The following TYW5 variants were observed in gnomAD, a reference collection of about 807,000 sequenced individuals.
The protein encoded by TYW5 is tRNA-yW synthesizing protein 5.
A neutral mutation model predicts 44.4 loss-of-function variants in TYW5; 36 were observed. The ratio of observed to expected loss-of-function variants is 0.81; its 90% CI spans 0.62 to 1.07. The LOEUF (loss-of-function observed/expected upper bound fraction) is 1.07, where lower values mean the gene tolerates loss of function less well. Ranked by LOEUF, TYW5 falls within the 50% of genes least tolerant of loss-of-function variation. The probability of loss-of-function intolerance (pLI) is 0.00; values close to 1 mark genes in which losing one functional copy is unlikely to be tolerated. For synonymous variants in TYW5, 121 were observed against 128.1 expected, an observed-to-expected ratio of 0.94 and a Z score of 0.37; for missense variants, 354 against 365.7, an observed-to-expected ratio of 0.97 and a Z score of 0.26.
rs1490581872 is a variant in TYW5 at position 199,933,311 on chromosome 2, T to A, written c.704A>T (p.His235Leu). The change falls in exon 8 of 8, where the codon CAT (histidine) becomes CTT (leucine). Residue 235 changes from histidine to leucine, a missense_variant. Transcript: ENST00000354611. ...DVLFIPALWF[H>L]NVISEEFGVG... ...TCCAAACTCTTCAGAAATTACATTA[T>A]GGAACCATAAAGCTGGAGAAAGTTT... The A allele has an allele frequency of 1.2e-5, 19 of 1,607,154 alleles. No individual in the cohort carries two copies. Among genetic ancestry groups the A allele is most frequent in the Non-Finnish European group, 1.5e-5 (18 of 1,177,572 alleles).
At chr2:199,938,247 G>T (rs1223928144) in intron 5 of TYW5, among the ~76,000 whole-genome samples, 1 of 151,926 alleles carries the variant, frequency 6.6e-6, no homozygotes, top group Middle Eastern at 3.2e-3. Flanking sequence ...TGTATTTTTA[G>T]TAGGTACGGG....
intron 1 of TYW5, among the ~76,000 whole-genome samples, chr2:199,951,965 T>C (rs1045043911): frequency 3.3e-5 from 5 of 150,736 alleles, no homozygotes; most frequent in African/African-American, 9.8e-5. Context: ...TGCAGTGAGC[T>C]GAGATCGTGC....
intron 4 of TYW5, among the ~76,000 whole-genome samples, chr2:199,939,548 TAATATTCAGGAGTCA>T (rs1334843378): frequency 6.6e-6 from 1 of 152,202 alleles, no homozygotes; most frequent in Non-Finnish European, 1.5e-5. Context: ...TCATCCACTC[TAATATTCAGGAGTCA>T]ACACCTTGAA....
Position 199,955,455 on chromosome 2 carries a change from G to A in TYW5, c.16C>T (p.Leu6Phe), listed in dbSNP as rs577365638. ...ACGCCCTCCAGCCGGGGTACCGGGA[G>A]GTGCTGCCCGGCCATGGTTGCTCAC... Reference protein sequence around the residue: MAGQHLPVPRLEGVSR... With the variant: MAGQHFPVPRLEGVSR... Residue 6 changes from leucine (L) to phenylalanine (F), a missense_variant, in exon 1 of 8, where the codon CTC (leucine) becomes TTC (phenylalanine). By Grantham distance (22) the Leu-to-Phe change is conservative. Coordinates refer to ENST00000354611, the MANE Select transcript of TYW5 (RefSeq NM_001039693.3). 1 of 1,613,760 alleles carries A rather than the reference G, an allele frequency of 6.2e-7. No homozygotes were observed. Among genetic ancestry groups the A allele is most frequent in the Non-Finnish European group, 8.5e-7 (1 of 1,179,980 alleles).
chr2:199,950,018 A>C (rs924074930), intron 1 of TYW5, among the ~76,000 whole-genome samples: 1 of 152,100 alleles, frequency 6.6e-6, no homozygotes, highest in Non-Finnish European at 1.5e-5. Context: ...GACGTCTTTT[A>C]TACTTTCTCT....
intron 7 of TYW5, among the ~76,000 whole-genome samples, chr2:199,933,746 A>G (rs2077398356): frequency 6.6e-6 from 1 of 152,168 alleles, no homozygotes; most frequent in Non-Finnish European, 1.5e-5. Flanking sequence ...CTGATTCATT[A>G]TAATACTTTT....
chr2:199,935,911 G>A lies in TYW5; in HGVS notation c.691+20C>T. On this transcript the variant is annotated intron_variant, in intron 7 of 7. Coordinates refer to ENST00000354611, the MANE Select transcript of TYW5 (RefSeq NM_001039693.3). ...TACACATTTTATAAATAGCACATTA[G>A]TGAGGTCTAGAAATCTTACCAGGAA... is the stretch of plus-strand genomic sequence containing the variant. 4.1e-6 allele frequency: 6 copies of A among 1,477,890 alleles called. No individual in the cohort carries two copies. Among genetic ancestry groups the A allele is most frequent in the Non-Finnish European group, 5.7e-6 (6 of 1,061,740 alleles). The allele number at this position is 1,477,890 out of a possible 1,614,324, so 91.5% of individuals were successfully genotyped here.
At chr2:199,940,422 G>A (rs564820504) in intron 3 of TYW5, among the ~76,000 whole-genome samples, 3 of 152,176 alleles carry the variant, frequency 2.0e-5, no homozygotes, top group Admixed American at 2.0e-4. Context: ...GGAGGCCAGG[G>A]CAGGAAGACT....
In TYW5 at chr2:199,929,622, G is replaced by C. The variant is rs139711637; in HGVS notation, c.*3445C>G. Among the ~76,000 whole-genome samples, 757 of 147,358 alleles carry C rather than the reference G, an allele frequency of 5.1e-3. 3 individuals are homozygous for C. The highest frequency in any genetic ancestry group is 8.6e-3 in the Non-Finnish European group (582 of 67,312). ...GCAACTTTTTATAGGTGATAGAAAA[G>C]CCGCCTTACTAAGGTTCTTTCCAAA... On this transcript the variant is annotated 3_prime_UTR_variant, in exon 8 of 8. Coordinates refer to ENST00000354611, the MANE Select transcript of TYW5 (RefSeq NM_001039693.3).
chr2:199,935,561 T>C (rs1355883070), intron 7 of TYW5, among the ~76,000 whole-genome samples: 2 of 149,602 alleles, frequency 1.3e-5, no homozygotes, highest in Non-Finnish European at 3.0e-5. Context: ...TTGCCCATGC[T>C]GGTCTTGCAC....
At position 199,948,322 on chromosome 2, in the gene TYW5, A is replaced by T. The variant is rs1197237515; in HGVS notation, c.229T>A (p.Tyr77Asn). 5 of 1,613,992 alleles carry T rather than the reference A, an allele frequency of 3.1e-6. No homozygotes were observed. The African/African-American group carries it at 6.7e-5, about 22-fold the overall frequency. ...GTAAACCTCAGAAGAAAATACCTATATACAAAGTTCTTACTAATGAAGTCC... is the reference window on the plus strand; with the variant it reads ...GTAAACCTCAGAAGAAAATACCTATTTACAAAGTTCTTACTAATGAAGTCC... The part of the protein sequence containing the change: ...QMDFISKNFV[Y>N]RTLPFDQLVQ... The change falls in exon 2 of 8, where the codon TAT becomes AAT. Residue 77 changes from tyrosine to asparagine, a missense_variant. Coordinates refer to ENST00000354611, the MANE Select transcript of TYW5 (RefSeq NM_001039693.3).
chr2:199,933,355 A>G (rs747786495), intron 7 of TYW5, 32 bp from the exon 8 acceptor site: 4 of 1,562,054 alleles, frequency 2.6e-6, no homozygotes, highest in African/African-American at 1.4e-5. Context: ...AGTTAAAAAT[A>G]AAACCTACAG....
Position 199,936,428 on chromosome 2 carries a change from T to A in TYW5, c.551A>T (p.Asp184Val). 6.2e-7 allele frequency: 1 copy of A among 1,613,128 alleles called. No homozygotes were observed. The highest frequency in any genetic ancestry group is 8.5e-7 in the Non-Finnish European group (1 of 1,179,644). ...KKRVVLFSPRDAQYLYLKGTK... is the reference protein window; with the variant it reads ...KKRVVLFSPRVAQYLYLKGTK... ...ACCTTTTAAATATAAATACTGGGCA[T>A]CTCGAGGACTGAAGAGTACAACACG... The change falls in exon 6 of 8, where the codon GAT becomes GTT. Residue 184 changes from aspartate to valine, a missense_variant. Physicochemically the swap from Asp to Val is radical, Grantham distance 152. Coordinates refer to ENST00000354611, the MANE Select transcript of TYW5 (RefSeq NM_001039693.3).
Position 199,948,433 on chromosome 2 carries a change from A to C in TYW5, c.118T>G (p.Cys40Gly). 1 of 1,614,160 alleles carries C rather than the reference A, an allele frequency of 6.2e-7. No homozygotes were observed. The highest frequency in any genetic ancestry group is 1.3e-5 in the African/African-American group (1 of 75,052). ...LVLEGIDLGP[C>G]TSKWTVDYLS... ...TAATCCACTGTCCATTTGCTTGTAC[A>C]TGGCCCCAAATCAATCCCTTCCAAC... The change falls in exon 2 of 8, where the codon TGT becomes GGT. Residue 40 changes from cysteine (C) to glycine (G), a missense_variant. Coordinates refer to ENST00000354611, the MANE Select transcript of TYW5 (RefSeq NM_001039693.3).
chr2:199,950,784 G>A (rs2077538891), intron 1 of TYW5, among the ~76,000 whole-genome samples: 1 of 152,172 alleles, frequency 6.6e-6, no homozygotes, highest in Non-Finnish European at 1.5e-5. Flanking sequence ...AAATAAGCAG[G>A]TTGGAAAATG....
At chr2:199,946,005 AAAG>A (rs1409994594) in intron 2 of TYW5, 1 of 152,210 alleles carries the variant, frequency 6.6e-6, no homozygotes, top group African/African-American at 2.4e-5. Flanking sequence ...GGGTAATGTC[AAAG>A]AAGGCTTAAT....
chr2:199,946,338 T>A (rs1044660262), intron 2 of TYW5: 1 of 152,198 alleles, frequency 6.6e-6, no homozygotes, highest in Non-Finnish European at 1.5e-5. Context: ...AGCCCTTCAC[T>A]GTCTTGTTCC....
chr2:199,929,551 T>G lies in TYW5; in HGVS notation c.*3516A>C, dbSNP rs956310016. On this transcript the variant is annotated 3_prime_UTR_variant, in exon 8 of 8. Transcript: ENST00000354611. ...CATCCAGGCCTGCCTTCCAGCTTCC[T>G]GCATTTTTTTTTTTTTTTTTTTGTC... Among the ~76,000 whole-genome samples, 8 of 113,696 alleles carry G rather than the reference T, an allele frequency of 7.0e-5. No individual in the cohort carries two copies. The highest frequency in any genetic ancestry group is 2.8e-4 in the African/African-American group (8 of 28,990). The allele number at this position is 113,696 out of a possible 152,430, so 74.6% of individuals were successfully genotyped here.
Position 199,943,585 on chromosome 2 carries a change from T to C in TYW5, c.303+180A>G, listed in dbSNP as rs1372635746. 7.5e-6 allele frequency: 4 copies of C among 531,586 alleles called. No individual in the cohort carries two copies. The African/African-American group carries it at 7.8e-5, about 10-fold the overall frequency. The allele number at this position is 531,586 out of a possible 1,614,324, so 32.9% of individuals were successfully genotyped here. A position where few individuals can be genotyped will look rare whatever the true frequency, so the allele number is the denominator to read the frequency against. ...GTATACTGAAGTACAGAAAAATAAT[T>C]TGGCCAAAGTTTGAGAGCTAATAAA... On this transcript the variant is annotated intron_variant, in intron 3 of 7. Coordinates refer to ENST00000354611, the MANE Select transcript of TYW5 (RefSeq NM_001039693.3).
Sources: allele counts gnomAD v4.1 joint callset (sites outside exome capture counted in the v4.1 genomes callset), GRCh38; gene constraint gnomAD v4.1.1; transcripts MANE v1.5; gene names NCBI Gene and HGNC (gene_info 2026-07-23, HGNC 2026-07-21).